Variants in HSF2 observed in about 807,000 individuals in gnomAD.
HSF2 encodes heat shock transcription factor 2.
In HSF2, 21 loss-of-function variants were observed where a neutral mutation model predicts 65.0. That is an observed-to-expected ratio of 0.32 (90% CI 0.23 to 0.47). HSF2 has a LOEUF of 0.47. Among genes scored for constraint, HSF2 ranks in the 20% least tolerant of loss-of-function variants. HSF2 has a pLI of 1.00. For synonymous variants in HSF2, 225 were observed against 219.1 expected (o/e 1.03, Z -0.24); for missense variants, 499 against 628.1 (o/e 0.79, Z 2.20).
chr6:122,426,895 C>T (rs1197370679), intron 10 of HSF2, among the ~76,000 whole-genome samples: 3 of 152,050 alleles, frequency 2.0e-5, no homozygotes, highest in Non-Finnish European at 2.9e-5. Flanking sequence ...ACTTATTCAA[C>T]TTAGAACTTC....
intron 10 of HSF2, 43 bp downstream of exon 10, chr6:122,423,729 GTT>G (rs1166245394): frequency 9.3e-7 from 1 of 1,078,906 alleles, no homozygotes; most frequent in Non-Finnish European, 1.4e-6. Context: ...TAGTTTGTGT[GTT>G]TATGTATATT....
rs960637829 is a variant in HSF2, at chr6:122,420,033, T to G, written c.594-102T>G. 3.7e-6 allele frequency: 4 copies of G among 1,087,476 alleles called. No homozygotes were observed. In the African/African-American group the frequency reaches 6.5e-5, roughly 18 times the overall value. The allele number at this position is 1,087,476 out of a possible 1,614,324, so 67.4% of individuals were successfully genotyped here. On this transcript the variant is annotated intron_variant, in intron 6 of 12. Coordinates refer to ENST00000368455, the MANE Select transcript of HSF2 (RefSeq NM_004506.4). ...TGTTACTGAAATTTTTTATTCATTA[T>G]TAAGTGAGTGTGCATGTGTGTGTGT...
intron 1 of HSF2, among the ~76,000 whole-genome samples, chr6:122,400,370 C>T (rs1773701201): frequency 6.6e-6 from 1 of 152,140 alleles, no homozygotes; most frequent in South Asian, 2.1e-4. Flanking sequence ...AATAGACATA[C>T]GTTCAAACGC....
In HSF2 at chr6:122,428,232, C is replaced by G. The variant is rs540527823; in HGVS notation, c.1230+276C>G. On this transcript the variant is annotated intron_variant, in intron 11 of 12. Transcript: ENST00000368455. ...CCTGACTAAACTTGGTATATTGAAACCAATAACTAAAATATGATTTCTTCA... is the reference window on the plus strand; with the variant it reads ...CCTGACTAAACTTGGTATATTGAAAGCAATAACTAAAATATGATTTCTTCA... Among the ~76,000 whole-genome samples, 19 of 152,024 alleles carry G rather than the reference C, an allele frequency of 1.2e-4. No homozygotes were observed. The South Asian group carries it at 3.7e-3, about 30-fold the overall frequency.
chr6:122,424,934 T>C (rs977626261), intron 10 of HSF2, among the ~76,000 whole-genome samples: 1 of 152,076 alleles, frequency 6.6e-6, no homozygotes, highest in Non-Finnish European at 1.5e-5. Context: ...CCTTATCCAG[T>C]CAACAACCCC....
chr6:122,399,936 A>G, intron 1 of HSF2, 106 bp downstream of exon 1: 1 of 871,686 alleles, frequency 1.1e-6, no homozygotes, highest in Non-Finnish European at 1.9e-6. Flanking sequence ...GCTGTCTGCG[A>G]GGCCCGCGGT....
Position 122,399,663 on chromosome 6 carries a change from G to A in HSF2, c.-75G>A. On this transcript the variant is annotated 5_prime_UTR_variant, in exon 1 of 13. Transcript: ENST00000368455. ...CCTGCGTTGTGGGCGTTCTCGGGGA[G>A]CTGCTGCCGTAGCTGCCGCCGCCGC... 3 of 1,245,638 alleles carry A rather than the reference G, an allele frequency of 2.4e-6. No homozygotes were observed. The highest frequency in any genetic ancestry group is 2.5e-5 in the South Asian group (2 of 80,328). 77.2% of individuals were successfully genotyped at this position (1,245,638 alleles called of 1,614,324 possible).
intron 4 of HSF2, among the ~76,000 whole-genome samples, chr6:122,414,292 G>A (rs1486186117): frequency 6.6e-6 from 1 of 152,138 alleles, no homozygotes; most frequent in Admixed American, 6.5e-5. Context: ...TTCTTAGTAA[G>A]TAGCTGGAAT....
intron 12 of HSF2, among the ~76,000 whole-genome samples, 153 bp from the exon 13 acceptor site, chr6:122,431,772 T>G (rs1774475249): frequency 6.6e-6 from 1 of 152,170 alleles, no homozygotes; most frequent in African/African-American, 2.4e-5. Context: ...TTGCACATTT[T>G]AAAATTTATT....
At chr6:122,404,776 A>G (rs1410401411) in intron 1 of HSF2, among the ~76,000 whole-genome samples, 1 of 152,172 alleles carries the variant, frequency 6.6e-6, no homozygotes, top group Admixed American at 6.5e-5. Flanking sequence ...TTTAAAAGAC[A>G]GGAAGGTGAA....
intron 1 of HSF2, among the ~76,000 whole-genome samples, chr6:122,407,377 A>G (rs1308697258): frequency 1.3e-5 from 2 of 152,210 alleles, no homozygotes; most frequent in African/African-American, 2.4e-5. Context: ...TTATTCCGCT[A>G]TTAGCCATGT....
In HSF2 at chr6:122,433,118, T is replaced by C. The variant is rs1268581842; in HGVS notation, c.*898T>C. 2 of 152,212 alleles carry C rather than the reference T, an allele frequency of 1.3e-5. No homozygotes were observed. Among genetic ancestry groups the C allele is most frequent in the Non-Finnish European group, 2.9e-5 (2 of 68,034 alleles). The allele number at this position is 152,212 out of a possible 1,614,324, so 9.4% of individuals were successfully genotyped here. On this transcript the variant is annotated 3_prime_UTR_variant, in exon 13 of 13. Transcript: ENST00000368455. The stretch of plus-strand genomic sequence containing the variant: ...CTCATCTCGAAAATATATTGTATAT[T>C]GCAACAAGGGAGAAATATAATCTCT...
chr6:122,426,231 T>TAAGTA (rs1364038889), intron 10 of HSF2, among the ~76,000 whole-genome samples: 1 of 152,114 alleles, frequency 6.6e-6, no homozygotes, highest in African/African-American at 2.4e-5. Flanking sequence ...AGAATGTGAA[T>TAAGTA]AAGTGTGCTG....
At chr6:122,428,572 A>G (rs967920013) in intron 11 of HSF2, among the ~76,000 whole-genome samples, 1 of 151,960 alleles carries the variant, frequency 6.6e-6, no homozygotes, top group Non-Finnish European at 1.5e-5. Flanking sequence ...ATATCATTGT[A>G]TTTTATATAA....
intron 5 of HSF2, among the ~76,000 whole-genome samples, chr6:122,418,163 A>G (rs1774163036): frequency 2.0e-5 from 3 of 152,160 alleles, no homozygotes; most frequent in Admixed American, 2.0e-4. Context: ...GCTCCAATCA[A>G]TTTTGGCTTT....
At chr6:122,422,017 A>G in intron 7 of HSF2, 133 bp from the exon 8 acceptor site, 1 of 624,360 alleles carries the variant, frequency 1.6e-6, no homozygotes, top group Non-Finnish European at 2.8e-6. Flanking sequence ...GTTCCGTAAG[A>G]GCAGAGAACA....
At chr6:122,429,166 T>G (rs551483515) in intron 11 of HSF2, among the ~76,000 whole-genome samples, 1 of 152,192 alleles carries the variant, frequency 6.6e-6, no homozygotes, top group Admixed American at 6.5e-5. Context: ...TATAACATGC[T>G]CTGTGTTTCA....
chr6:122,413,794 T>A (rs1450378725), intron 4 of HSF2, 145 bp downstream of exon 4: 15 of 684,872 alleles, frequency 2.2e-5, no homozygotes, highest in Admixed American at 9.3e-5. Flanking sequence ...TTTCTGCAAG[T>A]ATTGGTTCCC....
rs948139817 is a variant in HSF2, at chr6:122,432,441, C to T, written c.*221C>T. On this transcript the variant is annotated 3_prime_UTR_variant, in exon 13 of 13. Transcript: ENST00000368455. ...ACGCAGATGTAATGCACATTATTGG[C>T]GTATCTTTAAGTTGGATTCAAATGG... The T allele has an allele frequency of 9.3e-6, 4 of 427,850 alleles. No homozygotes were observed. Among genetic ancestry groups the T allele is most frequent in the East Asian group, 3.9e-5 (1 of 25,690 alleles). 26.5% of individuals were successfully genotyped at this position (427,850 alleles called of 1,614,324 possible).
Sources: gnomAD v4.1 joint callset for allele counts (sites outside exome capture counted in the v4.1 genomes callset) on GRCh38, gnomAD v4.1.1 for gene constraint, MANE v1.5 for transcripts, NCBI Gene and HGNC (gene_info 2026-07-23, HGNC 2026-07-21) for gene names.